EPHA5: variants seen among roughly 807,000 people sequenced by gnomAD.
The protein encoded by EPHA5 is ephrin type-A receptor 5.
A neutral mutation model predicts 105.0 loss-of-function variants in EPHA5; 60 were observed. That is an observed-to-expected ratio of 0.57 (90% CI 0.46 to 0.71). EPHA5 has a LOEUF of 0.71. EPHA5 is among the 30% of genes least tolerant of loss of function. The probability of loss-of-function intolerance (pLI) is 0.00; values close to 1 mark genes in which losing one functional copy is unlikely to be tolerated. For missense variants in EPHA5, 1,218 were observed against 1,274.7 expected (o/e 0.96, Z 0.68); for synonymous variants, 513 against 449.1 (o/e 1.14, Z -1.80).
At chr4:65,640,736 T>C (rs1747589331) in intron 2 of EPHA5, among the ~76,000 whole-genome samples, 1 of 152,342 alleles carries the variant, frequency 6.6e-6, no homozygotes, top group South Asian at 2.1e-4. Context: ...ATTAAAGACC[T>C]ACCTTAACCT....
intron 11 of EPHA5, among the ~76,000 whole-genome samples, chr4:65,361,481 T>A (rs1717312154): frequency 6.6e-6 from 1 of 151,660 alleles, no homozygotes; most frequent in Non-Finnish European, 1.5e-5. Context: ...AAGCAGTGAT[T>A]TGAGGGCAAT....
chr4:65,618,661 T>G (rs1405685199), intron 2 of EPHA5, among the ~76,000 whole-genome samples: 1 of 152,178 alleles, frequency 6.6e-6, no homozygotes, highest in East Asian at 1.9e-4. Flanking sequence ...AATACTAACA[T>G]GCCCCAAATA....
chr4:65,578,866 A>G (rs757908822), intron 3 of EPHA5, among the ~76,000 whole-genome samples: 4 of 152,090 alleles, frequency 2.6e-5, no homozygotes, highest in Non-Finnish European at 4.4e-5. Flanking sequence ...GCCTATAATT[A>G]TAAGTTTATT....
At chr4:65,504,850 A>G (rs1198153682) in intron 3 of EPHA5, among the ~76,000 whole-genome samples, 1 of 152,040 alleles carries the variant, frequency 6.6e-6, no homozygotes, top group Non-Finnish European at 1.5e-5. Context: ...TAATTCAGGT[A>G]TCTTTCAAAG....
intron 1 of EPHA5, among the ~76,000 whole-genome samples, chr4:65,662,459 C>T (rs1490514541): frequency 6.6e-6 from 1 of 152,030 alleles, no homozygotes; most frequent in Non-Finnish European, 1.5e-5. Context: ...GCAACTAAAA[C>T]ATAATTAGAA....
At position 65,644,157 on chromosome 4, in the gene EPHA5, C is replaced by T. The variant is rs559390273; in HGVS notation, c.182-730G>A. Among the ~76,000 whole-genome samples, 10 of 151,926 alleles carry T rather than the reference C, an allele frequency of 6.6e-5. No individual in the cohort carries two copies. The South Asian group carries it at 1.0e-3, about 16-fold the overall frequency. Reference sequence around the variant, plus strand: ...CCCAAGATATTTAGAAACTCCAGGACGGAAGTTTGAGTACCGTCATTACAA... The same window carrying T: ...CCCAAGATATTTAGAAACTCCAGGATGGAAGTTTGAGTACCGTCATTACAA... On this transcript the variant is annotated intron_variant, in intron 1 of 16. Transcript: ENST00000613740.
At chr4:65,615,373 AT>A (rs567840800) in intron 2 of EPHA5, among the ~76,000 whole-genome samples, 1 of 152,026 alleles carries the variant, frequency 6.6e-6, no homozygotes, top group South Asian at 2.1e-4. Flanking sequence ...AAGCTAAAAC[AT>A]TTTTGAAAAT....
At chr4:65,597,179 C>A (rs1025211797) in intron 3 of EPHA5, among the ~76,000 whole-genome samples, 1 of 152,182 alleles carries the variant, frequency 6.6e-6, no homozygotes. Context: ...TTCACTCTGA[C>A]TGGTTTTGGC....
chr4:65,669,343 G>A (rs759229227), intron 1 of EPHA5: 17 of 959,932 alleles, frequency 1.8e-5, no homozygotes, highest in African/African-American at 3.5e-5. Flanking sequence ...CCACACGCAT[G>A]TTCCTTGCCC....
intron 13 of EPHA5, among the ~76,000 whole-genome samples, chr4:65,350,864 A>C (rs1722745824): frequency 6.6e-6 from 1 of 152,058 alleles, no homozygotes; most frequent in African/African-American, 2.4e-5. Context: ...TTTTGAAGGA[A>C]TAGCTCTTTT....
chr4:65,390,623 T>C (rs1354247523), intron 8 of EPHA5, among the ~76,000 whole-genome samples: 1 of 152,042 alleles, frequency 6.6e-6, no homozygotes, highest in African/African-American at 2.4e-5. Flanking sequence ...GGTATGCAGA[T>C]TCCAGTGCCG....
chr4:65,478,219 A>G (rs1185800795), intron 5 of EPHA5, among the ~76,000 whole-genome samples: 3 of 152,162 alleles, frequency 2.0e-5, no homozygotes, highest in Admixed American at 2.0e-4. Context: ...TAGTCAGAAC[A>G]CTAATCTGGT....
At chr4:65,578,918 T>G (rs533279495) in intron 3 of EPHA5, among the ~76,000 whole-genome samples, 2 of 152,232 alleles carry the variant, frequency 1.3e-5, no homozygotes, top group South Asian at 4.1e-4. Context: ...TAAAGACCGC[T>G]ATTAAAAAAT....
chr4:65,519,467 C>G (rs1004315021), intron 3 of EPHA5, among the ~76,000 whole-genome samples: 2 of 152,076 alleles, frequency 1.3e-5, no homozygotes, highest in East Asian at 1.9e-4. Flanking sequence ...AAAACTGGCA[C>G]AAGACAGGGA....
chr4:65,644,377 T>C (rs1747940083), intron 1 of EPHA5, among the ~76,000 whole-genome samples: 1 of 152,066 alleles, frequency 6.6e-6, no homozygotes, highest in Non-Finnish European at 1.5e-5. Flanking sequence ...CTATCCCACA[T>C]GGTTCTACCT....
chr4:65,594,080 A>G (rs1175968528), intron 3 of EPHA5, among the ~76,000 whole-genome samples: 1 of 152,176 alleles, frequency 6.6e-6, no homozygotes, highest in Admixed American at 6.5e-5. Flanking sequence ...TGGTATCTGA[A>G]TAACAAGAAA....
At chr4:65,332,245 G>A (rs1720694418) in intron 15 of EPHA5, 117 bp from the exon 16 acceptor site, 10 of 736,090 alleles carry the variant, frequency 1.4e-5, no homozygotes, top group South Asian at 8.5e-5. Context: ...TATTTATAGA[G>A]GAAAAATATG....
At position 65,601,717 on chromosome 4, in the gene EPHA5, G is replaced by A. The variant is rs780375523; in HGVS notation, c.834C>T (p.Ala278=). The change falls in exon 3 of 17, where the codon GCC becomes GCT. Residue 278 remains alanine, a synonymous_variant. Transcript: ENST00000613740. ...CGATGGGCACCAGCCACTCCCCTTC[G>A]GCGCTGCAGTGCATTTTGGGAGGTT... ...TDEPPKMHCS[A]EGEWLVPIGK... is the part of the protein sequence containing the mutation. 4.3e-6 allele frequency: 7 copies of A among 1,613,946 alleles called. No individual in the cohort carries two copies. The highest frequency in any genetic ancestry group is 4.5e-5 in the East Asian group (2 of 44,874).
At chr4:65,626,100 CAAAAA>C (rs11304193) in intron 2 of EPHA5, among the ~76,000 whole-genome samples, 2 of 131,600 alleles carry the variant, frequency 1.5e-5, no homozygotes, top group Non-Finnish European at 1.6e-5. Context: ...CACTCCGTCT[CAAAAA>C]AAAAAAAAAA....
Sources: allele counts gnomAD v4.1 joint callset (sites outside exome capture counted in the v4.1 genomes callset), GRCh38; gene constraint gnomAD v4.1.1; transcripts MANE v1.5; gene names NCBI Gene and HGNC (gene_info 2026-07-23, HGNC 2026-07-21).